The following TBC1D2B variants were observed in gnomAD, a reference collection of about 807,000 sequenced individuals.
The protein encoded by TBC1D2B is TBC1 domain family, member 2B.
A neutral mutation model predicts 100.8 loss-of-function variants in TBC1D2B; 64 were observed. The observed-to-expected ratio is 0.64, with a 90% CI of 0.52 to 0.78. TBC1D2B has a LOEUF of 0.78. Ranked by LOEUF, TBC1D2B falls within the 30% of genes least tolerant of loss-of-function variation. The pLI is 0.00. For synonymous variants in TBC1D2B, 480 were observed against 479.7 expected, an observed-to-expected ratio of 1.00 and a Z score of -0.01; for missense variants, 1,052 against 1,218.4, an observed-to-expected ratio of 0.86 and a Z score of 2.03.
intron 9 of TBC1D2B, among the ~76,000 whole-genome samples, chr15:78,011,151 C>A (rs1223431238): frequency 6.6e-6 from 1 of 152,154 alleles, no homozygotes; most frequent in Non-Finnish European, 1.5e-5. Context: ...TAGCTATAGT[C>A]CCTTTCACCT....
intron 2 of TBC1D2B, among the ~76,000 whole-genome samples, chr15:78,053,524 T>C (rs1375034965): frequency 6.6e-6 from 1 of 152,222 alleles, no homozygotes; most frequent in Non-Finnish European, 1.5e-5. Flanking sequence ...ATGCTGCAAA[T>C]GGCCAGGGAT....
intron 3 of TBC1D2B, among the ~76,000 whole-genome samples, chr15:78,032,720 G>A (rs997038985): frequency 2.0e-5 from 3 of 151,808 alleles, no homozygotes; most frequent in Non-Finnish European, 2.9e-5. Flanking sequence ...CAATGCCTAC[G>A]ATGAAAAACA....
At chr15:78,001,817 C>T (rs568908007) in intron 11 of TBC1D2B, 77 bp from the exon 12 acceptor site, 3 of 1,483,646 alleles carry the variant, frequency 2.0e-6, no homozygotes, top group African/African-American at 1.4e-5. Flanking sequence ...CAGGGGGGTG[C>T]TGGCCCTACT....
chr15:78,027,353 C>CTA (rs1050227285), intron 4 of TBC1D2B, among the ~76,000 whole-genome samples: 12 of 152,192 alleles, frequency 7.9e-5, no homozygotes, highest in African/African-American at 2.6e-4. Flanking sequence ...ATTCACTGAG[C>CTA]TATACATTTC....
At chr15:78,015,292 T>C (rs2072342999) in intron 8 of TBC1D2B, among the ~76,000 whole-genome samples, 1 of 152,138 alleles carries the variant, frequency 6.6e-6, no homozygotes, top group Admixed American at 6.5e-5. Flanking sequence ...AATGAAACTA[T>C]ATTGGCAAAA....
At chr15:78,074,373 G>T (rs1368004015) in intron 1 of TBC1D2B, among the ~76,000 whole-genome samples, 2 of 151,952 alleles carry the variant, frequency 1.3e-5, no homozygotes, top group African/African-American at 4.8e-5. Context: ...TCCCATTGTT[G>T]TATACAGCCA....
intron 1 of TBC1D2B, among the ~76,000 whole-genome samples, chr15:78,055,296 A>C: frequency 8.9e-6 from 1 of 111,828 alleles, no homozygotes; most frequent in East Asian, 2.9e-4. Context: ...TATATACACA[A>C]AGAGTGAATA....
chr15:78,026,916 A>G (rs2072684541), intron 4 of TBC1D2B, among the ~76,000 whole-genome samples: 1 of 151,844 alleles, frequency 6.6e-6, no homozygotes. Context: ...AAAAAAAAAA[A>G]AGAGTATTCG....
rs554513816 is a variant in TBC1D2B at position 78,018,632 on chromosome 15, C to T, written c.1471-675G>A. The stretch of plus-strand genomic sequence containing the variant: ...ATAAAAGAACATAACAAGCTGGTGA[C>T]AAGTTCTGCCGAGTCCAACTTTGAG... On this transcript the variant is annotated intron_variant, in intron 6 of 12. Coordinates refer to ENST00000300584, the MANE Select transcript of TBC1D2B (RefSeq NM_144572.2). Among the ~76,000 whole-genome samples the T allele has an allele frequency of 3.9e-5, 6 of 152,328 alleles. No homozygotes were observed. In the East Asian group the frequency reaches 1.2e-3, roughly 29 times the overall value.
intron 8 of TBC1D2B, among the ~76,000 whole-genome samples, 178 bp downstream of exon 8, chr15:78,016,368 A>G (rs2072375369): frequency 6.6e-6 from 1 of 152,172 alleles, no homozygotes; most frequent in Non-Finnish European, 1.5e-5. Context: ...TCCCCGCTCT[A>G]TGACTTGATT....
rs146636182 is a variant in TBC1D2B at position 78,016,353 on chromosome 15, G to C, written c.1775+193C>G. 1.4e-3 allele frequency among the ~76,000 whole-genome samples: 207 copies of C among 152,276 alleles called. 1 individual carries two copies. Among genetic ancestry groups the C allele is most frequent in the Middle Eastern group, 0.01 (3 of 294 alleles). Reference sequence around the variant, plus strand: ...AGGTCTTGCAATCAGAAGACCTGTGGTAAGTCCCCGCTCTATGACTTGATT... The same window carrying C: ...AGGTCTTGCAATCAGAAGACCTGTGCTAAGTCCCCGCTCTATGACTTGATT... On this transcript the variant is annotated intron_variant, in intron 8 of 12. Coordinates refer to ENST00000300584, the MANE Select transcript of TBC1D2B (RefSeq NM_144572.2).
chr15:78,001,366 G>A (rs1005787843), intron 12 of TBC1D2B, among the ~76,000 whole-genome samples: 1 of 152,204 alleles, frequency 6.6e-6, no homozygotes, highest in South Asian at 2.1e-4. Context: ...CTAGACAAAT[G>A]AAACTATTGC....
intron 1 of TBC1D2B, among the ~76,000 whole-genome samples, chr15:78,072,044 G>T (rs2073749323): frequency 6.6e-6 from 1 of 152,202 alleles, no homozygotes; most frequent in South Asian, 2.1e-4. Flanking sequence ...CATTCGTGAA[G>T]GCTCCACCCT....
intron 2 of TBC1D2B, among the ~76,000 whole-genome samples, chr15:78,053,438 C>A (rs1297263645): frequency 6.6e-6 from 1 of 152,162 alleles, no homozygotes; most frequent in Non-Finnish European, 1.5e-5. Flanking sequence ...AAAACAGTCC[C>A]ATCTCCACAG....
chr15:78,033,596 T>TG (rs1330403556), intron 3 of TBC1D2B, among the ~76,000 whole-genome samples: 1 of 152,244 alleles, frequency 6.6e-6, no homozygotes, highest in African/African-American at 2.4e-5. Flanking sequence ...TACATCGCTG[T>TG]GTATAATTTC....
In TBC1D2B at chr15:78,012,886, C is replaced by T. The variant is rs1429284556; in HGVS notation, c.2207G>A (p.Arg736His). ...CPTSEGIQKL[R>H]NVLLAFSWRN... ...CCAGGAGAAGGCGAGGAGGACATTG[C>T]GTAACTTCTGTATGCCTTCTGAGGT... Residue 736 changes from arginine (R) to histidine (H), a missense_variant, in exon 9 of 13, where the codon CGC becomes CAC. Arg to His is a conservative substitution (Grantham distance 29). Transcript: ENST00000300584. 7.9e-6 allele frequency: 12 copies of T among 1,522,808 alleles called. No homozygotes were observed. Among genetic ancestry groups the T allele is most frequent in the Middle Eastern group, 3.6e-4 (2 of 5,632 alleles). 94.3% of individuals were successfully genotyped at this position (1,522,808 alleles called of 1,614,324 possible). A position where few individuals can be genotyped will look rare whatever the true frequency, so the allele number is the denominator to read the frequency against.
intron 3 of TBC1D2B, among the ~76,000 whole-genome samples, chr15:78,033,505 G>A (rs2072869689): frequency 6.6e-6 from 1 of 152,186 alleles, no homozygotes; most frequent in South Asian, 2.1e-4. Flanking sequence ...GGGTATTAAG[G>A]GAAGGGATCA....
At chr15:78,031,578 G>C (rs867429873) in intron 3 of TBC1D2B, among the ~76,000 whole-genome samples, 1 of 60,726 alleles carries the variant, frequency 1.6e-5, no homozygotes, top group African/African-American at 4.0e-5. Flanking sequence ...AAAAAAAAGA[G>C]AGAGAGAGAG....
At chr15:78,039,373 C>T (rs543325112) in intron 3 of TBC1D2B, among the ~76,000 whole-genome samples, 2 of 152,298 alleles carry the variant, frequency 1.3e-5, no homozygotes. Context: ...TGGGAACCCC[C>T]GCCATGCTCA....
Sources: gnomAD v4.1 joint callset for allele counts (sites outside exome capture counted in the v4.1 genomes callset) on GRCh38, gnomAD v4.1.1 for gene constraint, MANE v1.5 for transcripts, NCBI Gene and HGNC (gene_info 2026-07-23, HGNC 2026-07-21) for gene names.